Variants in CDC42BPB observed in about 807,000 individuals in gnomAD.
The protein encoded by CDC42BPB is CDC42 binding protein kinase beta.
In CDC42BPB, 37 loss-of-function variants were observed where a neutral mutation model predicts 214.9. That is an observed-to-expected ratio of 0.17 (90% CI 0.13 to 0.23). CDC42BPB has a LOEUF of 0.23. CDC42BPB is among the 10% of genes least tolerant of loss of function. The pLI, the probability that CDC42BPB is intolerant of heterozygous loss-of-function variation, is 1.00. For missense variants in CDC42BPB, 1,694 were observed against 2,227.0 expected (o/e 0.76, Z 4.82); for synonymous variants, 931 against 884.0 (o/e 1.05, Z -0.94).
intron 27 of CDC42BPB, 43 bp from the exon 28 acceptor site, chr14:102,946,727 G>A (rs1231359384): frequency 6.2e-6 from 10 of 1,603,920 alleles, no homozygotes; most frequent in South Asian, 2.2e-5. Flanking sequence ...GTCATCAAAC[G>A]CCAAAGCCGC....
intron 30 of CDC42BPB, among the ~76,000 whole-genome samples, chr14:102,942,406 A>C (rs1294195908): frequency 2.6e-5 from 4 of 152,200 alleles, no homozygotes; most frequent in African/African-American, 9.7e-5. Flanking sequence ...GCTTCAGGTA[A>C]CTGAGGGAGA....
At position 102,945,733 on chromosome 14, in the gene CDC42BPB, G is replaced by A; in HGVS notation, c.3749-9C>T. On this transcript the variant is annotated splice_polypyrimidine_tract_variant and intron_variant, in intron 28 of 36. Coordinates refer to ENST00000361246, the MANE Select transcript of CDC42BPB (RefSeq NM_006035.4). ...TGCAATCCTGTCTGCATCTGTGGAG[G>A]GGTAAGTAACATACACAAAGTCAGT... 1.2e-6 allele frequency: 2 copies of A among 1,612,464 alleles called. No individual in the cohort carries two copies. Among genetic ancestry groups the A allele is most frequent in the Non-Finnish European group, 8.5e-7 (1 of 1,179,556 alleles).
chr14:103,002,849 C>T (rs1895051549), intron 4 of CDC42BPB, among the ~76,000 whole-genome samples: 1 of 152,192 alleles, frequency 6.6e-6, no homozygotes, highest in Admixed American at 6.5e-5. Context: ...ACACCAGCTG[C>T]CCCCTCTGCT....
In CDC42BPB at chr14:102,999,790, C is replaced by T. The variant is rs553019084; in HGVS notation, c.448-77G>A. Reference sequence around the variant, plus strand: ...ACCTGACAGTTACAGGCCAGTCTTCCATGGCGAGGTTCTCAGGCTCCAGGT... The same window carrying T: ...ACCTGACAGTTACAGGCCAGTCTTCTATGGCGAGGTTCTCAGGCTCCAGGT... On this transcript the variant is annotated intron_variant, in intron 4 of 36. Transcript: ENST00000361246. 562 of 1,564,480 alleles carry T rather than the reference C, an allele frequency of 3.6e-4. 2 individuals carry two copies. The highest frequency in any genetic ancestry group is 2.4e-3 in the South Asian group (198 of 83,590).
intron 1 of CDC42BPB, among the ~76,000 whole-genome samples, chr14:103,053,115 CG>C (rs1354691477): frequency 1.3e-5 from 2 of 151,222 alleles, no homozygotes; most frequent in Non-Finnish European, 3.0e-5. Context: ...TTTGAGAGGC[CG>C]AGGAGGGTGG....
intron 21 of CDC42BPB, 107 bp downstream of exon 21, chr14:102,959,524 A>G (rs940797808): frequency 8.2e-6 from 6 of 732,408 alleles, no homozygotes; most frequent in Admixed American, 2.7e-5. Context: ...CACTGAATGT[A>G]TATTTACTGG....
In CDC42BPB at chr14:102,976,046, A is replaced by C; in HGVS notation, c.1224T>G (p.Cys408Trp). The change falls in exon 10 of 37, where the codon TGT (cysteine) becomes TGG (tryptophan). Residue 408 changes from cysteine to tryptophan, a missense_variant. This residue lies in a region of CDC42BPB where 225 missense variants were observed against 459.3 expected (regional missense o/e 0.49). Coordinates refer to ENST00000361246, the MANE Select transcript of CDC42BPB (RefSeq NM_006035.4). ...FIGFTFTTES[C>W]FSDRGSLKSI... is the part of the protein sequence containing the mutation. The stretch of plus-strand genomic sequence containing the variant: ...TCTTCAGAGAGCCTCGATCAGAAAA[A>C]CAGCTGGGAAACCAAGCAACAGGTT... The C allele has an allele frequency of 6.2e-7, 1 of 1,608,150 alleles. No individual in the cohort carries two copies. Among genetic ancestry groups the C allele is most frequent in the Non-Finnish European group, 8.5e-7 (1 of 1,175,802 alleles).
Position 102,943,905 on chromosome 14 carries a change from G to A in CDC42BPB, c.4394C>T (p.Ala1465Val), listed in dbSNP as rs763306847. ...ARAQELMWPA[A>V]PVACSCSPTH... The stretch of plus-strand genomic sequence containing the variant: ...CATATACATACTACAGGCGACAGGA[G>A]CCGCAGGCCACATGAGCTCCTGCGC... Residue 1465 changes from alanine (A) to valine (V), a missense_variant, in exon 30 of 37, where the codon GCT becomes GTT. Physicochemically the swap from Ala to Val is moderately conservative, Grantham distance 64. Around this residue, in one of 7 missense-constraint regions of CDC42BPB, gnomAD observed 567 missense variants for 790.3 expected, o/e 0.72. Coordinates refer to ENST00000361246, the MANE Select transcript of CDC42BPB (RefSeq NM_006035.4). This position sits in a 1 kb window ranked among gnomAD's most constrained non-coding sequence, Gnocchi z 4.6. 3.1e-6 allele frequency: 5 copies of A among 1,608,610 alleles called. No individual in the cohort carries two copies. Among genetic ancestry groups the A allele is most frequent in the South Asian group, 1.1e-5 (1 of 90,888 alleles).
chr14:103,054,725 C>G (rs1041537888), intron 1 of CDC42BPB, among the ~76,000 whole-genome samples: 6 of 152,258 alleles, frequency 3.9e-5, no homozygotes, highest in African/African-American at 1.4e-4. Flanking sequence ...AAAGTTTATA[C>G]TTTTGTGCAA....
At chr14:102,934,109 A>G in intron 36 of CDC42BPB, 3 of 1,029,544 alleles carry the variant, frequency 2.9e-6, no homozygotes, top group Non-Finnish European at 3.7e-6. Context: ...TGAAGAAATC[A>G]GATGGGGCCG....
chr14:102,955,455 A>C (rs2139410797), intron 21 of CDC42BPB, among the ~76,000 whole-genome samples: 1 of 152,334 alleles, frequency 6.6e-6, no homozygotes, highest in African/African-American at 2.4e-5. Flanking sequence ...CAAATAGCCA[A>C]ATGCTTCTTA....
At chr14:102,952,870 A>T (rs1892549935) in intron 23 of CDC42BPB, 1 of 334,440 alleles carries the variant, frequency 3.0e-6, no homozygotes, top group African/African-American at 2.2e-5. Flanking sequence ...GCTGGGCCAG[A>T]GGGCCGAGGT....
Position 102,944,371 on chromosome 14 carries a change from A to C in CDC42BPB, c.3928T>G (p.Ser1310Ala), listed in dbSNP as rs1278543765. The change falls in exon 30 of 37, where the codon TCC (serine) becomes GCC (alanine). Residue 1310 changes from serine (S) to alanine (A), a missense_variant. Physicochemically the swap from Ser to Ala is moderately conservative, Grantham distance 99 (BLOSUM62 1). Transcript: ENST00000361246. This position sits in a 1 kb window ranked among gnomAD's most constrained non-coding sequence, Gnocchi z 6.6. ...AAGCTGCCTTCCGCTCCATCAAGGG[A>C]CGACCACGGATAGAGGTGCACATGG... ...NHHVHLYPWS[S>A]LDGAEGSFDI... is the part of the protein sequence containing the mutation. 1 of 1,613,142 alleles carries C rather than the reference A, an allele frequency of 6.2e-7. No individual in the cohort carries two copies. The highest frequency in any genetic ancestry group is 8.5e-7 in the Non-Finnish European group (1 of 1,180,020).
rs747908716 is a variant in CDC42BPB at position 102,940,076 on chromosome 14, G to A, written c.4561C>T (p.Arg1521Cys). The A allele has an allele frequency of 8.7e-6, 14 of 1,613,928 alleles. No individual in the cohort carries two copies. The highest frequency in any genetic ancestry group is 1.7e-5 in the Admixed American group (1 of 60,012). ...AACTTGCTCTTGAAGTAGATCAAGC[G>A]TGGAGGCTCGCAGTTGAGGAGGTTG... ...TLNLLNCEPP[R>C]LIYFKSKFSG... The change falls in exon 32 of 37, where the codon CGC becomes TGC. Residue 1521 changes from arginine (R) to cysteine (C), a missense_variant. By Grantham distance (180) the Arg-to-Cys change is radical (BLOSUM62 -3). Transcript: ENST00000361246.
intron 12 of CDC42BPB, 162 bp from the exon 13 acceptor site, chr14:102,972,323 T>C (rs1893512502): frequency 8.1e-6 from 8 of 985,364 alleles, no homozygotes; most frequent in Non-Finnish European, 9.6e-6. Context: ...CTGTGCTCTG[T>C]CTCGTGCCAG....
chr14:103,016,973 C>T (rs1886501374), intron 1 of CDC42BPB, among the ~76,000 whole-genome samples: 2 of 152,064 alleles, frequency 1.3e-5, no homozygotes, highest in Non-Finnish European at 2.9e-5. Context: ...CAGCCGGTGC[C>T]CAGAAGTGAG....
At chr14:102,985,088 T>C (rs1894177269) in intron 6 of CDC42BPB, among the ~76,000 whole-genome samples, 1 of 148,088 alleles carries the variant, frequency 6.8e-6, no homozygotes, top group Non-Finnish European at 1.5e-5. Context: ...CATGACGGGG[T>C]GGTGTGGAGG....
chr14:103,005,512 A>C (rs796624450), intron 3 of CDC42BPB, among the ~76,000 whole-genome samples: 11 of 151,588 alleles, frequency 7.3e-5, no homozygotes, highest in African/African-American at 2.7e-4. Flanking sequence ...GTTTGAGACC[A>C]GCCTGGGCAA....
chr14:103,012,767 T>G (rs374230719), intron 1 of CDC42BPB, among the ~76,000 whole-genome samples: 5 of 152,298 alleles, frequency 3.3e-5, no homozygotes, highest in African/African-American at 1.2e-4. Flanking sequence ...ATCGTGCCAC[T>G]GCACTCCAGT....
Sources: gnomAD v4.1 joint callset for allele counts (sites outside exome capture counted in the v4.1 genomes callset) on GRCh38, gnomAD v4.1.1 for gene constraint, gnomAD v4.1.1 regional missense constraint, Gnocchi (gnomAD v3.1) non-coding constraint, MANE v1.5 for transcripts, NCBI Gene and HGNC (gene_info 2026-07-23, HGNC 2026-07-21) for gene names.